OPCML: variants seen among roughly 807,000 people sequenced by gnomAD.
OPCML encodes the protein opioid-binding protein/cell adhesion molecule.
A neutral mutation model predicts 37.8 loss-of-function variants in OPCML; 13 were observed. That is an observed-to-expected ratio of 0.34 (90% CI 0.22 to 0.55). OPCML has a LOEUF of 0.55. Among genes scored for constraint, OPCML ranks in the 20% least tolerant of loss-of-function variants. The pLI, the probability that OPCML is intolerant of heterozygous loss-of-function variation, is 0.91. For missense variants in OPCML, 341 were observed against 435.6 expected, an observed-to-expected ratio of 0.78 and a Z score of 1.93; for synonymous variants, 176 against 168.8, an observed-to-expected ratio of 1.04 and a Z score of -0.33.
intron 2 of OPCML, among the ~76,000 whole-genome samples, chr11:132,714,077 T>C (rs557220962): frequency 6.6e-6 from 1 of 152,326 alleles, no homozygotes; most frequent in South Asian, 2.1e-4. Flanking sequence ...CACTTGAATA[T>C]TTAAGTTACA....
At chr11:133,420,966 G>A (rs1409989514) in intron 1 of OPCML, 1 of 985,050 alleles carries the variant, frequency 1.0e-6, no homozygotes, top group Non-Finnish European at 1.2e-6. Flanking sequence ...TAGTCAGGTG[G>A]GTGCATGGCT....
rs114267671 is a variant in OPCML, at chr11:132,984,886, C to T, written c.62-41876G>A. On this transcript the variant is annotated intron_variant, in intron 1 of 7. Coordinates refer to ENST00000524381, the MANE Select transcript of OPCML (RefSeq NM_001012393.5). Reference sequence around the variant, plus strand: ...CTTCCTCTGCTTCCCTGGAGTTACGCGTGGTGTATCCATGATTAACAAATT... The same window carrying T: ...CTTCCTCTGCTTCCCTGGAGTTACGTGTGGTGTATCCATGATTAACAAATT... 1.4e-3 allele frequency among the ~76,000 whole-genome samples: 206 copies of T among 152,290 alleles called. 1 individual carries two copies. The highest frequency in any genetic ancestry group is 4.8e-3 in the African/African-American group (201 of 41,548).
At chr11:133,323,220 A>T (rs114918554) in intron 1 of OPCML, among the ~76,000 whole-genome samples, 1 of 152,152 alleles carries the variant, frequency 6.6e-6, no homozygotes, top group Non-Finnish European at 1.5e-5. Context: ...AGTCCACATG[A>T]GGGTATCTGG....
At chr11:133,368,657 A>G (rs1194756589) in intron 1 of OPCML, among the ~76,000 whole-genome samples, 2 of 152,210 alleles carry the variant, frequency 1.3e-5, no homozygotes, top group African/African-American at 4.8e-5. Flanking sequence ...TTTTATCTAC[A>G]TGTTCCCATA....
intron 1 of OPCML, among the ~76,000 whole-genome samples, chr11:133,501,586 C>T (rs1199861620): frequency 1.3e-5 from 2 of 152,124 alleles, no homozygotes; most frequent in Non-Finnish European, 2.9e-5. Flanking sequence ...TCAAATAAAG[C>T]TACACCTTCC....
At chr11:132,457,617 A>G (rs1252918977) in intron 4 of OPCML, among the ~76,000 whole-genome samples, 3 of 152,100 alleles carry the variant, frequency 2.0e-5, no homozygotes, top group South Asian at 2.1e-4. Flanking sequence ...AAGCAATAAG[A>G]CCTCCATCCA....
rs1048052858 is a variant in OPCML at position 132,708,587 on chromosome 11, C to T, written c.147-51268G>A. On this transcript the variant is annotated intron_variant, in intron 2 of 7. Coordinates refer to ENST00000524381, the MANE Select transcript of OPCML (RefSeq NM_001012393.5). ...CAAGTAGGTAACACAGGTCAAACGCCGCTGGATCCTTCTTACCCTATTGGT... is the reference window on the plus strand; with the variant it reads ...CAAGTAGGTAACACAGGTCAAACGCTGCTGGATCCTTCTTACCCTATTGGT... 7.9e-5 allele frequency among the ~76,000 whole-genome samples: 12 copies of T among 152,108 alleles called. No homozygotes were observed. The East Asian group carries it at 1.2e-3, about 15-fold the overall frequency.
intron 1 of OPCML, among the ~76,000 whole-genome samples, chr11:133,185,508 T>C (rs1032019100): frequency 7.2e-5 from 11 of 152,262 alleles, no homozygotes; most frequent in Non-Finnish European, 1.3e-4. Context: ...AATGGTCCAG[T>C]GATGGAGATG....
intron 1 of OPCML, among the ~76,000 whole-genome samples, chr11:133,200,626 T>C (rs1343312520): frequency 6.6e-6 from 1 of 152,220 alleles, no homozygotes; most frequent in Non-Finnish European, 1.5e-5. Flanking sequence ...TAGGTATAGA[T>C]ACACTGATAT....
chr11:133,208,616 A>G lies in OPCML; in HGVS notation c.62-265606T>C, dbSNP rs1416626491. Among the ~76,000 whole-genome samples the G allele has an allele frequency of 2.0e-5, 3 of 152,198 alleles. No homozygotes were observed. The highest frequency in any genetic ancestry group is 2.9e-5 in the Non-Finnish European group (2 of 68,032). On this transcript the variant is annotated intron_variant, in intron 1 of 7. Coordinates refer to ENST00000524381, the MANE Select transcript of OPCML (RefSeq NM_001012393.5). This position sits in a 1 kb window ranked among gnomAD's most constrained non-coding sequence, Gnocchi z 8.9. ...AGCTGGATTTTGACACATATTTGAC[A>G]TGCATCTCACCTCGAGTTATCCTTT...
chr11:133,000,357 C>G (rs570703785), intron 1 of OPCML, among the ~76,000 whole-genome samples: 6 of 152,216 alleles, frequency 3.9e-5, no homozygotes, highest in Non-Finnish European at 5.9e-5. Flanking sequence ...AAGCGTTCAG[C>G]CTGCCTCGGC....
chr11:132,777,364 CT>C (rs932037662), intron 2 of OPCML, among the ~76,000 whole-genome samples: 11 of 152,232 alleles, frequency 7.2e-5, no homozygotes, highest in African/African-American at 2.6e-4. Context: ...ATGAACATTA[CT>C]TTTTTATGTC....
At chr11:133,268,816 T>G (rs1941734906) in intron 1 of OPCML, among the ~76,000 whole-genome samples, 2 of 152,186 alleles carry the variant, frequency 1.3e-5, no homozygotes, top group South Asian at 4.1e-4. Context: ...GAGTAGATAA[T>G]TTTTCCTATA....
At chr11:133,423,071 T>C (rs957645001) in intron 1 of OPCML, 30 of 985,434 alleles carry the variant, frequency 3.0e-5, no homozygotes, top group African/African-American at 3.5e-5. Context: ...TTTCAACTTA[T>C]GCTCTCGAAC....
intron 1 of OPCML, among the ~76,000 whole-genome samples, chr11:133,227,339 T>A (rs939655208): frequency 2.0e-5 from 3 of 152,224 alleles, no homozygotes; most frequent in Non-Finnish European, 2.9e-5. Context: ...TCTCCATTCT[T>A]GTGATTTTGT....
At chr11:132,810,967 T>C (rs1939306712) in intron 2 of OPCML, among the ~76,000 whole-genome samples, 1 of 152,174 alleles carries the variant, frequency 6.6e-6, no homozygotes, top group Non-Finnish European at 1.5e-5. Flanking sequence ...ATCCCCTTCT[T>C]GGGCATTCAG....
At chr11:133,233,465 T>C (rs1178355167) in intron 1 of OPCML, among the ~76,000 whole-genome samples, 2 of 152,186 alleles carry the variant, frequency 1.3e-5, no homozygotes, top group African/African-American at 2.4e-5. Context: ...AATGCCATGG[T>C]AAATTAGTAC....
chr11:133,503,381 C>A (rs1947958255), intron 1 of OPCML, among the ~76,000 whole-genome samples: 2 of 152,172 alleles, frequency 1.3e-5, no homozygotes, highest in Admixed American at 1.3e-4. Flanking sequence ...AGCTGGTCAA[C>A]AACCCCTCCC....
At chr11:132,634,475 G>T (rs1940354586) in intron 3 of OPCML, among the ~76,000 whole-genome samples, 1 of 152,164 alleles carries the variant, frequency 6.6e-6, no homozygotes, top group Non-Finnish European at 1.5e-5. Flanking sequence ...AAGGGGGACT[G>T]AAATGTAAAT....
Sources: gnomAD v4.1 joint callset for allele counts (sites outside exome capture counted in the v4.1 genomes callset) on GRCh38, gnomAD v4.1.1 for gene constraint, Gnocchi (gnomAD v3.1) non-coding constraint, MANE v1.5 for transcripts, NCBI Gene and HGNC (gene_info 2026-07-23, HGNC 2026-07-21) for gene names.